Variants in PNKD observed in about 807,000 individuals in gnomAD.
PNKD encodes the protein probable thioesterase PNKD.
In PNKD, 36 loss-of-function variants were observed where a neutral mutation model predicts 45.3. The ratio of observed to expected loss-of-function variants is 0.80; its 90% CI spans 0.61 to 1.05. The LOEUF is 1.05. PNKD is among the 50% of genes least tolerant of loss of function. The pLI, the probability that PNKD is intolerant of heterozygous loss-of-function variation, is 0.00. For missense variants in PNKD, 511 were observed against 506.6 expected (o/e 1.01, Z -0.08); for synonymous variants, 197 against 210.1 (o/e 0.94, Z 0.54).
intron 2 of PNKD, chr2:218,275,308 C>A: frequency 1.2e-6 from 1 of 846,012 alleles, no homozygotes; most frequent in Admixed American, 3.4e-5. Context: ...ACCAAGTACC[C>A]ACACATCCAT....
Position 218,346,602 on chromosome 2 carries a change from T to A in PNKD, c.*1621T>A, listed in dbSNP as rs1694832153. On this transcript the variant is annotated 3_prime_UTR_variant, in exon 10 of 10. Transcript: ENST00000273077. ...TCCCCTCCAGGCTACCTCTGCACTT[T>A]GTCAATGCTTCTCTTGTGGCACTTA... 6.5e-6 allele frequency: 1 copy of A among 154,040 alleles called. No homozygotes were observed. The highest frequency in any genetic ancestry group is 6.5e-5 in the Admixed American group (1 of 15,284). The allele number at this position is 154,040 out of a possible 1,614,324, so 9.5% of individuals were successfully genotyped here.
In PNKD at chr2:218,271,251, C is replaced by G. The variant is rs117369613; in HGVS notation, c.68-130C>G. 1,744 of 844,280 alleles carry G rather than the reference C, an allele frequency of 2.1e-3. 15 individuals are homozygous for G. Among genetic ancestry groups the G allele is most frequent in the African/African-American group, 0.014 (818 of 60,276 alleles). 52.3% of individuals were successfully genotyped at this position (844,280 alleles called of 1,614,324 possible). A position where few individuals can be genotyped will look rare whatever the true frequency, so the allele number is the denominator to read the frequency against. On this transcript the variant is annotated intron_variant, in intron 1 of 9. Coordinates refer to ENST00000273077, the MANE Select transcript of PNKD (RefSeq NM_015488.5). ...TCCCTTTGGATTCTCCTTGGCACTT[C>G]TTACTTCAGACTGCAGTCACTCCCC...
At chr2:218,272,984 G>A in intron 2 of PNKD, 1 of 1,362,614 alleles carries the variant, frequency 7.3e-7, no homozygotes, top group Non-Finnish European at 9.6e-7. Flanking sequence ...GGATGGGAGG[G>A]GCAGAGGGTG....
In PNKD at chr2:218,344,954, G is replaced by A. The variant is rs774275060; in HGVS notation, c.1131G>A (p.Arg377=). 1.2e-6 allele frequency: 2 copies of A among 1,613,736 alleles called. No individual in the cohort carries two copies. The highest frequency in any genetic ancestry group is 2.2e-5 in the East Asian group (1 of 44,886). Residue 377 remains arginine (R), a synonymous_variant, in exon 10 of 10, where the codon CGG becomes CGA. Coordinates refer to ENST00000273077, the MANE Select transcript of PNKD (RefSeq NM_015488.5). ...SRAQLLEELR[R]LKDMHKSK ...CCCAGCTCCTGGAAGAGCTCCGCCG[G>A]CTGAAGGATATGCACAAGAGCAAGT... is the stretch of plus-strand genomic sequence containing the variant.
chr2:218,284,775 G>A (rs1201575038), intron 2 of PNKD, among the ~76,000 whole-genome samples: 2 of 152,202 alleles, frequency 1.3e-5, no homozygotes, highest in African/African-American at 4.8e-5. Context: ...CCACGGGGTT[G>A]CTATAAAAAT....
intron 2 of PNKD, among the ~76,000 whole-genome samples, chr2:218,276,394 A>G (rs534573270): frequency 1.4e-4 from 22 of 152,338 alleles, no homozygotes; most frequent in Admixed American, 1.2e-3. Context: ...CCAGCATTCA[A>G]TAGACCAGTT....
rs1225228521 is a variant in PNKD, at chr2:218,326,197, A to G, written c.237-13586A>G. ...GTGGAAAGGCAATGATGGAAACACC[A>G]GGCTCACCGGGAGGAGAGCTGTTGA... On this transcript the variant is annotated intron_variant, in intron 2 of 9. Transcript: ENST00000273077. The surrounding 1 kb of genome is among the most constrained non-coding windows in gnomAD (Gnocchi z 4.1). 6.6e-6 allele frequency among the ~76,000 whole-genome samples: 1 copy of G among 152,196 alleles called. No homozygotes were observed. Among genetic ancestry groups the G allele is most frequent in the African/African-American group, 2.4e-5 (1 of 41,438 alleles).
intron 2 of PNKD, among the ~76,000 whole-genome samples, chr2:218,333,574 G>A (rs1305884023): frequency 2.0e-5 from 3 of 152,058 alleles, no homozygotes; most frequent in African/African-American, 4.8e-5. Flanking sequence ...ACAGTCCTTC[G>A]GGGTAAGTCA....
chr2:218,271,961 A>G (rs1457459), intron 2 of PNKD, among the ~76,000 whole-genome samples: 147,716 of 152,324 alleles, frequency 0.97, 71,736 homozygotes, highest in East Asian at 1. Context: ...AATATTAAAG[A>G]GAAAGGAGGA....
intron 2 of PNKD, chr2:218,323,255 G>T: frequency 1.3e-6 from 2 of 1,498,282 alleles, no homozygotes; most frequent in Non-Finnish European, 1.8e-6. Flanking sequence ...GCCGGCGCGT[G>T]CCTGCCCCCA....
At chr2:218,300,980 T>C (rs1476548281) in intron 2 of PNKD, among the ~76,000 whole-genome samples, 2 of 152,212 alleles carry the variant, frequency 1.3e-5, no homozygotes, top group Non-Finnish European at 2.9e-5. Context: ...ATCTGAAAAG[T>C]GTTTGTAAAA....
chr2:218,308,783 C>A (rs941261610), intron 2 of PNKD, among the ~76,000 whole-genome samples: 9 of 151,636 alleles, frequency 5.9e-5, no homozygotes, highest in African/African-American at 2.2e-4. Flanking sequence ...CAGGGTTTCA[C>A]CATGTTGGCC....
chr2:218,306,492 C>CT (rs564820596), intron 2 of PNKD, among the ~76,000 whole-genome samples: 7 of 152,296 alleles, frequency 4.6e-5, no homozygotes, highest in African/African-American at 1.4e-4. Context: ...GCAAGGTGTC[C>CT]TTTCTCTGGG....
chr2:218,301,301 G>A (rs1009099572), intron 2 of PNKD, among the ~76,000 whole-genome samples: 1 of 152,114 alleles, frequency 6.6e-6, no homozygotes, highest in African/African-American at 2.4e-5. Context: ...GAATTCTGGG[G>A]GTCAGGGTCT....
chr2:218,297,704 A>C (rs2106249540), intron 2 of PNKD, among the ~76,000 whole-genome samples: 1 of 147,350 alleles, frequency 6.8e-6, no homozygotes, highest in Non-Finnish European at 1.5e-5. Flanking sequence ...AAAAAAAAAA[A>C]AAAGAGAGAA....
In PNKD at chr2:218,344,821, T is replaced by G. The variant is rs1005386085; in HGVS notation, c.998T>G (p.Leu333Arg). 14 of 1,613,720 alleles carry G rather than the reference T, an allele frequency of 8.7e-6. No homozygotes were observed. The highest frequency in any genetic ancestry group is 2.7e-5 in the African/African-American group (2 of 74,906). ...TCTCACCCACAGTGCCCATCTACCC[T>G]GGGAGAGGAGCGCTCCTACAACCCG... ...LERKGTCPST[L>R]GEERSYNPFL... Residue 333 changes from leucine to arginine, a missense_variant, in exon 10 of 10, where the codon CTG (leucine) becomes CGG (arginine). Coordinates refer to ENST00000273077, the MANE Select transcript of PNKD (RefSeq NM_015488.5).
At chr2:218,278,051 G>A (rs1691428336) in intron 2 of PNKD, 2 of 1,514,032 alleles carry the variant, frequency 1.3e-6, no homozygotes, top group East Asian at 2.3e-5. Flanking sequence ...AGAAGGAAGC[G>A]CTTGGCTCCT....
rs111556940 is a variant in PNKD at position 218,340,889 on chromosome 2, G to T, written c.524+103G>T. 1 of 954,892 alleles carries T rather than the reference G, an allele frequency of 1.0e-6. No homozygotes were observed. The highest frequency in any genetic ancestry group is 1.7e-6 in the Non-Finnish European group (1 of 583,146). 59.2% of individuals were successfully genotyped at this position (954,892 alleles called of 1,614,324 possible). A position where few individuals can be genotyped will look rare whatever the true frequency, so the allele number is the denominator to read the frequency against. On this transcript the variant is annotated intron_variant, in intron 5 of 9. Coordinates refer to ENST00000273077, the MANE Select transcript of PNKD (RefSeq NM_015488.5). This position sits in a 1 kb window ranked among gnomAD's most constrained non-coding sequence, Gnocchi z 4.2. ...GGGCCAGAGATCAAGAAGTCAGTACGGGCCGGCACCCGCCTTCCTCGTGAA... is the reference window on the plus strand; with the variant it reads ...GGGCCAGAGATCAAGAAGTCAGTACTGGCCGGCACCCGCCTTCCTCGTGAA...
intron 7 of PNKD, among the ~76,000 whole-genome samples, chr2:218,342,486 G>A (rs1694709241): frequency 6.6e-6 from 1 of 152,006 alleles, no homozygotes; most frequent in African/African-American, 2.4e-5. Context: ...GATCACCTGA[G>A]GTCAGGAGTT....
Sources: allele counts gnomAD v4.1 joint callset (sites outside exome capture counted in the v4.1 genomes callset), GRCh38; gene constraint gnomAD v4.1.1; non-coding constraint Gnocchi (gnomAD v3.1); transcripts MANE v1.5; gene names NCBI Gene and HGNC (gene_info 2026-07-23, HGNC 2026-07-21).